The following ATP11B variants were observed in gnomAD, a reference collection of about 807,000 sequenced individuals.
ATP11B encodes the protein phospholipid-transporting ATPase IF.
ATP11B carries 81 observed loss-of-function variants against 157.8 expected under a neutral mutation model. The ratio of observed to expected loss-of-function variants is 0.51; its 90% CI spans 0.43 to 0.62. ATP11B has a LOEUF of 0.62. Among genes scored for constraint, ATP11B ranks in the 20% least tolerant of loss-of-function variants. The probability of loss-of-function intolerance (pLI) is 0.00; values close to 1 mark genes in which losing one functional copy is unlikely to be tolerated. For synonymous variants in ATP11B, 451 were observed against 469.4 expected (o/e 0.96, Z 0.51); for missense variants, 1,165 against 1,402.2 (o/e 0.83, Z 2.70).
chr3:182,840,373 C>T (rs764086396), intron 7 of ATP11B, among the ~76,000 whole-genome samples: 11 of 152,204 alleles, frequency 7.2e-5, no homozygotes, highest in East Asian at 1.9e-4. Context: ...CCTTACCTTT[C>T]GCTATCTACC....
chr3:182,826,560 G>C (rs1717734229), intron 2 of ATP11B, among the ~76,000 whole-genome samples: 1 of 151,968 alleles, frequency 6.6e-6, no homozygotes, highest in South Asian at 2.1e-4. Flanking sequence ...ACTTCCTTTG[G>C]CTCCAGGAAG....
In ATP11B at chr3:182,920,790, AGACCTGCTGTCGAGTT is replaced by A. The variant is rs1159665548; in HGVS notation, c.*2689_*2704del. ...GGGCCAGGGAGAACTACAGCTACGAAGACCTGCTGTCGAGTTGAGAAAAGGGGAGAATTTATGGTCT... is the reference window on the plus strand; with the variant it reads ...GGGCCAGGGAGAACTACAGCTACGAAGAGAAAAGGGGAGAATTTATGGTCT... On this transcript the variant is annotated 3_prime_UTR_variant, in exon 30 of 30. Coordinates refer to ENST00000323116, the MANE Select transcript of ATP11B (RefSeq NM_014616.3). 2 of 152,262 alleles carry A rather than the reference AGACCTGCTGTCGAGTT, an allele frequency of 1.3e-5. No homozygotes were observed. The highest frequency in any genetic ancestry group is 2.9e-5 in the Non-Finnish European group (2 of 68,088). 9.4% of individuals were successfully genotyped at this position (152,262 alleles called of 1,614,324 possible).
intron 28 of ATP11B, among the ~76,000 whole-genome samples, chr3:182,913,003 TC>T (rs1724900022): frequency 6.6e-6 from 1 of 152,172 alleles, no homozygotes; most frequent in African/African-American, 2.4e-5. Context: ...ATACCATCTT[TC>T]CCCCTCATTT....
intron 4 of ATP11B, among the ~76,000 whole-genome samples, chr3:182,832,696 A>G (rs1484145927): frequency 6.6e-6 from 1 of 152,120 alleles, no homozygotes; most frequent in East Asian, 1.9e-4. Context: ...GCTTCTCCCA[A>G]CTGTATTTAC....
At chr3:182,861,065 CTTTTTTTTT>C (rs35183352) in intron 12 of ATP11B, among the ~76,000 whole-genome samples, 5 of 137,422 alleles carry the variant, frequency 3.6e-5, no homozygotes, top group East Asian at 2.1e-4. Context: ...AACAATAATA[CTTTTTTTTT>C]TTTTTTTTGA....
chr3:182,859,481 C>A, intron 12 of ATP11B, 122 bp downstream of exon 12: 1 of 763,670 alleles, frequency 1.3e-6, no homozygotes, highest in Non-Finnish European at 1.9e-6. Flanking sequence ...CCCTTTGCTC[C>A]ACTCCTAGCT....
At chr3:182,847,334 C>T (rs985266861) in intron 9 of ATP11B, among the ~76,000 whole-genome samples, 2 of 152,158 alleles carry the variant, frequency 1.3e-5, no homozygotes, top group Non-Finnish European at 1.5e-5. Context: ...CCACTGCGCC[C>T]GGCCAACACA....
chr3:182,896,598 T>G, intron 25 of ATP11B, 102 bp from the exon 26 acceptor site: 1 of 971,876 alleles, frequency 1.0e-6, no homozygotes, highest in Middle Eastern at 2.3e-4. Context: ...TGTACCTGAC[T>G]TAAATAATTC....
chr3:182,841,360 T>C (rs1719007260), intron 7 of ATP11B, among the ~76,000 whole-genome samples: 2 of 152,248 alleles, frequency 1.3e-5, no homozygotes, highest in Admixed American at 1.3e-4. Context: ...TTTTGTTCAC[T>C]GATGGATCTC....
intron 10 of ATP11B, among the ~76,000 whole-genome samples, chr3:182,855,997 G>GT (rs1385378575): frequency 1.3e-5 from 2 of 152,112 alleles, no homozygotes; most frequent in African/African-American, 2.4e-5. Flanking sequence ...AACTAAACAT[G>GT]TTTACCATAT....
intron 25 of ATP11B, among the ~76,000 whole-genome samples, chr3:182,895,709 A>G (rs1285588865): frequency 1.3e-5 from 2 of 152,174 alleles, no homozygotes; most frequent in African/African-American, 2.4e-5. Context: ...GGACCAGCCT[A>G]ATGCCAGAGC....
Position 182,836,074 on chromosome 3 carries a change from G to GTA in ATP11B, c.356_357dup (p.Asn120Ter). The GTA allele has an allele frequency of 6.2e-7, 1 of 1,613,590 alleles. No individual in the cohort carries two copies. Among genetic ancestry groups the GTA allele is most frequent in the Non-Finnish European group, 8.5e-7 (1 of 1,179,728 alleles). On this transcript the variant is annotated frameshift_variant, in exon 5 of 30. Transcript: ENST00000323116. LOFTEE classifies it high-confidence loss of function. ...GTTACGGCATAACTCAGATAATGAA[G>GTA]TAAATGGAGCTCCTGTTTATGTTGT...
intron 24 of ATP11B, among the ~76,000 whole-genome samples, chr3:182,888,583 A>G (rs753254636): frequency 2.6e-5 from 4 of 152,154 alleles, no homozygotes; most frequent in African/African-American, 4.8e-5. Context: ...TGCAGTAGCA[A>G]GATCGTAGCT....
rs1721167465 is a variant in ATP11B, at chr3:182,865,562, T to A, written c.1307T>A (p.Leu436His). The A allele has an allele frequency of 1.9e-6, 3 of 1,613,870 alleles. No individual in the cohort carries two copies. The highest frequency in any genetic ancestry group is 1.7e-5 in the Admixed American group (1 of 60,008). Residue 436 changes from leucine (L) to histidine (H), a missense_variant, in exon 13 of 30, where the codon CTT becomes CAT. By Grantham distance (99) the Leu-to-His change is moderately conservative. Transcript: ENST00000323116. ...GMKYQEINGR[L>H]VPEGPTPDSS... ...AAATACCAAGAAATTAATGGTAGAC[T>A]TGTACCCGAAGGACCAACACCAGAC...
At chr3:182,909,892 C>A (rs1321668179) in intron 28 of ATP11B, among the ~76,000 whole-genome samples, 1 of 149,614 alleles carries the variant, frequency 6.7e-6, no homozygotes. Flanking sequence ...GGTGAAACTT[C>A]ATCTCTACTA....
At chr3:182,842,046 A>T (rs759672411) in intron 7 of ATP11B, 29 bp from the exon 8 acceptor site, 1 of 1,459,780 alleles carries the variant, frequency 6.9e-7, no homozygotes, top group Admixed American at 1.7e-5. Flanking sequence ...GTGATATTAT[A>T]TGTTTTTGTA....
chr3:182,895,621 A>G (rs776532333), intron 25 of ATP11B, among the ~76,000 whole-genome samples: 4 of 152,184 alleles, frequency 2.6e-5, no homozygotes, highest in African/African-American at 7.2e-5. Context: ...TGAGAGTTAA[A>G]GAAAGACACA....
At chr3:182,823,187 C>A (rs1717481309) in intron 2 of ATP11B, among the ~76,000 whole-genome samples, 1 of 152,174 alleles carries the variant, frequency 6.6e-6, no homozygotes, top group South Asian at 2.1e-4. Flanking sequence ...GAAGTCCTTG[C>A]CCATGCCTGT....
rs1289873452 is a variant in ATP11B at position 182,879,543 on chromosome 3, C to A, written c.2300C>A (p.Thr767Asn). 1 of 1,613,702 alleles carries A rather than the reference C, an allele frequency of 6.2e-7. No individual in the cohort carries two copies. The highest frequency in any genetic ancestry group is 1.1e-5 in the South Asian group (1 of 90,970). Reference protein sequence around the residue: ...VIQHGLVVDGTSLSLALREHE... With the variant: ...VIQHGLVVDGNSLSLALREHE... ...CAGCATGGGCTGGTAGTGGATGGGA[C>A]CAGCCTATCTCTTGCACTCAGGGAG... The change falls in exon 20 of 30, where the codon ACC becomes AAC. Residue 767 changes from threonine to asparagine, a missense_variant. By Grantham distance (65) the Thr-to-Asn change is moderately conservative. Transcript: ENST00000323116.
Sources: gnomAD v4.1 joint callset for allele counts (sites outside exome capture counted in the v4.1 genomes callset) on GRCh38, gnomAD v4.1.1 for gene constraint, MANE v1.5 for transcripts, NCBI Gene and HGNC (gene_info 2026-07-23, HGNC 2026-07-21) for gene names.